The following PROM1 variants were observed in gnomAD, a reference collection of about 807,000 sequenced individuals.
The protein encoded by PROM1 is prominin 1, also known as prominin-1.
In PROM1, 105 loss-of-function variants were observed where a neutral mutation model predicts 116.9. The ratio of observed to expected loss-of-function variants is 0.90; its 90% CI spans 0.77 to 1.06. The LOEUF (loss-of-function observed/expected upper bound fraction) is 1.06, where lower values mean the gene tolerates loss of function less well. Ranked by LOEUF, PROM1 falls within the 50% of genes least tolerant of loss-of-function variation. PROM1 has a pLI of 0.00. For missense variants in PROM1, 1,122 were observed against 1,045.2 expected, an observed-to-expected ratio of 1.07 and a Z score of -1.01; for synonymous variants, 393 against 387.0, an observed-to-expected ratio of 1.02 and a Z score of -0.18.
rs1231248057 is a variant in PROM1 at position 16,041,767 on chromosome 4, TAAATAAATAA to T, written c.221-2776_221-2767del. On this transcript the variant is annotated intron_variant, in intron 2 of 27. Coordinates refer to ENST00000447510, the MANE Select transcript of PROM1 (RefSeq NM_006017.3). ...TGCCTCAAATAAATAAATAAATAAA[TAAATAAATAA>T]ATAAATAAATATATATATATATATA... 8.2e-3 allele frequency among the ~76,000 whole-genome samples: 939 copies of T among 114,198 alleles called. 15 individuals are homozygous for T. Among genetic ancestry groups the T allele is most frequent in the African/African-American group, 1.0e-2 (257 of 25,762 alleles). The allele number at this position is 114,198 out of a possible 152,430, so 74.9% of individuals were successfully genotyped here. A position where few individuals can be genotyped will look rare whatever the true frequency, so the allele number is the denominator to read the frequency against.
At chr4:16,080,544 C>G (rs1024065691) in intron 1 of PROM1, 1 of 152,146 alleles carries the variant, frequency 6.6e-6, no homozygotes, top group Non-Finnish European at 1.5e-5. Context: ...AATGAAAAAG[C>G]AAATATGGTG....
intron 14 of PROM1, among the ~76,000 whole-genome samples, chr4:15,999,805 A>G (rs889907164): frequency 6.6e-6 from 1 of 152,170 alleles, no homozygotes; most frequent in Admixed American, 6.5e-5. Context: ...ATATACAATG[A>G]AAGAGTGAAA....
At chr4:16,009,275 T>C (rs1297738225) in intron 11 of PROM1, among the ~76,000 whole-genome samples, 167 bp from the exon 12 acceptor site, 1 of 152,196 alleles carries the variant, frequency 6.6e-6, no homozygotes, top group African/African-American at 2.4e-5. Flanking sequence ...GCCAAGACCA[T>C]CGAAAAGCAA....
chr4:15,978,629 C>T (rs1716854727), intron 26 of PROM1, among the ~76,000 whole-genome samples: 1 of 152,210 alleles, frequency 6.6e-6, no homozygotes, highest in African/African-American at 2.4e-5. Flanking sequence ...CACCCTTTTG[C>T]ATCTGAGACA....
chr4:15,985,049 T>C (rs1718980082), intron 22 of PROM1, among the ~76,000 whole-genome samples: 1 of 152,204 alleles, frequency 6.6e-6, no homozygotes, highest in African/African-American at 2.4e-5. Flanking sequence ...CCCTGAATTC[T>C]GCATCCATGG....
intron 24 of PROM1, 37 bp from the exon 25 acceptor site, chr4:15,979,941 T>G (rs1359423318): frequency 1.6e-6 from 2 of 1,263,540 alleles, no homozygotes; most frequent in Non-Finnish European, 2.2e-6. Context: ...AATTAATTTT[T>G]TTAATTATTA....
chr4:16,051,750 C>T (rs1226283828), intron 2 of PROM1, among the ~76,000 whole-genome samples: 3 of 152,142 alleles, frequency 2.0e-5, no homozygotes, highest in Admixed American at 6.6e-5. Context: ...TTCTCCCAGC[C>T]GAGCAAACTG....
intron 5 of PROM1, among the ~76,000 whole-genome samples, chr4:16,026,239 T>C (rs1731238758): frequency 3.3e-5 from 5 of 152,224 alleles, no homozygotes; most frequent in Admixed American, 3.3e-4. Flanking sequence ...GCTCTTACTG[T>C]TGACTAGTTA....
intron 4 of PROM1, among the ~76,000 whole-genome samples, chr4:16,033,854 T>C (rs1320709016): frequency 6.6e-6 from 1 of 151,790 alleles, no homozygotes; most frequent in Non-Finnish European, 1.5e-5. Flanking sequence ...CTGGCCATGT[T>C]TCATTTTTTT....
rs117402147 is a variant in PROM1, at chr4:16,002,019, C to A, written c.1455-1400G>T. Among the ~76,000 whole-genome samples, 693 of 152,170 alleles carry A rather than the reference C, an allele frequency of 4.6e-3. 26 individuals carry two copies. The East Asian group carries it at 0.11, about 23-fold the overall frequency. ...CAGGCAGGAATCCCTCTGCTTCTGG[C>A]ACTGCAGAGAAGGGATGGATGTGTT... On this transcript the variant is annotated intron_variant, in intron 13 of 27. Transcript: ENST00000447510.
chr4:15,994,593 C>A (rs1193758341), intron 15 of PROM1, among the ~76,000 whole-genome samples: 1 of 152,196 alleles, frequency 6.6e-6, no homozygotes, highest in African/African-American at 2.4e-5. Flanking sequence ...CGATGGTCAG[C>A]ACAGTTTGGC....
At chr4:16,039,149 A>C in intron 2 of PROM1, 148 bp from the exon 3 acceptor site, 2 of 659,734 alleles carry the variant, frequency 3.0e-6, no homozygotes, top group Non-Finnish European at 4.2e-6. Flanking sequence ...TAATGTAGGT[A>C]AATAATTAAT....
At chr4:16,048,567 G>T (rs1737071064) in intron 2 of PROM1, among the ~76,000 whole-genome samples, 1 of 152,068 alleles carries the variant, frequency 6.6e-6, no homozygotes, top group South Asian at 2.1e-4. Flanking sequence ...TGGAGAGGGA[G>T]GTCTCCCTTT....
chr4:16,028,612 C>T (rs773673329), intron 5 of PROM1, among the ~76,000 whole-genome samples: 2 of 152,124 alleles, frequency 1.3e-5, no homozygotes, highest in African/African-American at 2.4e-5. Flanking sequence ...GATTTAGACA[C>T]TCCCTGTTGT....
intron 2 of PROM1, among the ~76,000 whole-genome samples, chr4:16,042,691 T>C (rs1335591891): frequency 6.6e-6 from 1 of 152,238 alleles, no homozygotes; most frequent in Non-Finnish European, 1.5e-5. Flanking sequence ...AGATTCCACA[T>C]TGCAAATAAC....
intron 11 of PROM1, among the ~76,000 whole-genome samples, chr4:16,010,433 C>A (rs533536279): frequency 6.6e-6 from 1 of 152,310 alleles, no homozygotes; most frequent in Admixed American, 6.5e-5. Flanking sequence ...TCCTGAGGCT[C>A]CCGGTGAACT....
Position 15,992,400 on chromosome 4 carries a change from AAAGG to A in PROM1, c.1768-13_1768-10del, listed in dbSNP as rs917803378. 2 of 1,611,298 alleles carry A rather than the reference AAAGG, an allele frequency of 1.2e-6. No homozygotes were observed. Among genetic ancestry groups the A allele is most frequent in the African/African-American group, 2.7e-5 (2 of 74,766 alleles). On this transcript the variant is annotated splice_polypyrimidine_tract_variant and intron_variant, in intron 16 of 27. Coordinates refer to ENST00000447510, the MANE Select transcript of PROM1 (RefSeq NM_006017.3). Reference sequence around the variant, plus strand: ...CTTATGCTTCCAGTATGCTGCGAAAAAAGGAAGTTACAAATCAGTCCCTTATTCT... The same window carrying A: ...CTTATGCTTCCAGTATGCTGCGAAAAAAGTTACAAATCAGTCCCTTATTCT...
chr4:16,012,459 T>G lies in PROM1; in HGVS notation c.1141+816A>C, dbSNP rs955340922. 4.6e-5 allele frequency among the ~76,000 whole-genome samples: 7 copies of G among 152,350 alleles called. No individual in the cohort carries two copies. In the East Asian group the frequency reaches 7.7e-4, roughly 17 times the overall value. Reference sequence around the variant, plus strand: ...TAGAATCCTCTCTACATTGATTCTGTCTCTCCAAAATTGTAAGCAACCTAA... The same window carrying G: ...TAGAATCCTCTCTACATTGATTCTGGCTCTCCAAAATTGTAAGCAACCTAA... On this transcript the variant is annotated intron_variant, in intron 11 of 27. Transcript: ENST00000447510.
intron 26 of PROM1, chr4:15,971,619 C>T (rs1338716716): frequency 1.3e-5 from 2 of 152,402 alleles, no homozygotes; most frequent in African/African-American, 4.8e-5. Flanking sequence ...GCCTTGACAA[C>T]CAAAAAGGTA....
Sources: gnomAD v4.1 joint callset for allele counts (sites outside exome capture counted in the v4.1 genomes callset) on GRCh38, gnomAD v4.1.1 for gene constraint, MANE v1.5 for transcripts, NCBI Gene and HGNC (gene_info 2026-07-23, HGNC 2026-07-21) for gene names.